Variants in CTXND1 observed in about 807,000 individuals in gnomAD.
CTXND1 encodes cortexin domain-containing 1 protein.
chr15:80,239,965 C>CTTTA (rs1293950871), intron 1 of CTXND1, among the ~76,000 whole-genome samples: 1 of 151,980 alleles, frequency 6.6e-6, no homozygotes, highest in Non-Finnish European at 1.5e-5. Context: ...TTTTGTATTA[C>CTTTA]TTTATTTATT....
intron 1 of CTXND1, among the ~76,000 whole-genome samples, chr15:80,220,347 T>G (rs1375521801): frequency 6.6e-6 from 1 of 152,252 alleles, no homozygotes; most frequent in Non-Finnish European, 1.5e-5. Flanking sequence ...GGATTTGTAA[T>G]GCCACTTCTA....
chr15:80,200,536 C>T lies in CTXND1; in HGVS notation c.*1234G>A, dbSNP rs1046481599. The T allele has an allele frequency of 2.6e-5, 4 of 152,152 alleles. No individual in the cohort carries two copies. The highest frequency in any genetic ancestry group is 4.4e-5 in the Non-Finnish European group (3 of 68,018). 9.4% of individuals were successfully genotyped at this position (152,152 alleles called of 1,614,324 possible). On this transcript the variant is annotated 3_prime_UTR_variant, in exon 3 of 3. Transcript: ENST00000560778. ...GGGAGGGCCTGAGAAGAGCCATCAT[C>T]GATGACTTCTTCCTTGCCCCCCAAC...
At position 80,198,697 on chromosome 15, in the gene CTXND1, G is replaced by GT. The variant is rs2041433147; in HGVS notation, c.*3072dup. ...GTCTCTTAAATGGAGAGAGTGTACT[G>GT]TAAGTATTTATTCTCCCCTGTCTTA... On this transcript the variant is annotated 3_prime_UTR_variant, in exon 3 of 3. Coordinates refer to ENST00000560778, the MANE Select transcript of CTXND1 (RefSeq NM_001352888.2). 1 of 152,138 alleles carries GT rather than the reference G, an allele frequency of 6.6e-6. No individual in the cohort carries two copies. The highest frequency in any genetic ancestry group is 1.5e-5 in the Non-Finnish European group (1 of 68,032). The allele number at this position is 152,138 out of a possible 1,614,324, so 9.4% of individuals were successfully genotyped here. A position where few individuals can be genotyped will look rare whatever the true frequency, so the allele number is the denominator to read the frequency against.
chr15:80,214,307 A>G (rs1020975424), intron 1 of CTXND1, among the ~76,000 whole-genome samples: 11 of 152,180 alleles, frequency 7.2e-5, no homozygotes, highest in Non-Finnish European at 1.2e-4. Context: ...AAAGATATTC[A>G]AAATTTGAAT....
intron 1 of CTXND1, among the ~76,000 whole-genome samples, chr15:80,210,408 GT>G (rs1893192712): frequency 6.6e-6 from 1 of 152,214 alleles, no homozygotes. Flanking sequence ...GCCAGAAGCT[GT>G]TTCTCTCTTT....
intron 1 of CTXND1, among the ~76,000 whole-genome samples, chr15:80,223,922 C>G (rs1390379162): frequency 6.6e-6 from 1 of 152,094 alleles, no homozygotes; most frequent in African/African-American, 2.4e-5. Flanking sequence ...CATGCGTCCC[C>G]CCATTGAGCC....
chr15:80,231,829 C>T (rs191664637), intron 1 of CTXND1, among the ~76,000 whole-genome samples: 1 of 152,302 alleles, frequency 6.6e-6, no homozygotes, highest in East Asian at 1.9e-4. Flanking sequence ...TCTGTCCACA[C>T]TGAGAATAGC....
intron 1 of CTXND1, among the ~76,000 whole-genome samples, chr15:80,226,819 G>A (rs1893377398): frequency 6.6e-6 from 1 of 152,174 alleles, no homozygotes; most frequent in African/African-American, 2.4e-5. Context: ...GCTGCATTGA[G>A]AATGCCCTGA....
intron 1 of CTXND1, among the ~76,000 whole-genome samples, chr15:80,231,684 G>A (rs919669250): frequency 6.6e-6 from 1 of 152,164 alleles, no homozygotes; most frequent in Non-Finnish European, 1.5e-5. Flanking sequence ...CATGCCTCCT[G>A]TAACAGTCTG....
intron 1 of CTXND1, among the ~76,000 whole-genome samples, chr15:80,233,787 C>G (rs1893460039): frequency 6.6e-6 from 1 of 152,230 alleles, no homozygotes; most frequent in South Asian, 2.1e-4. Flanking sequence ...TTAATGGCCC[C>G]TCAAAGGCAG....
intron 1 of CTXND1, among the ~76,000 whole-genome samples, chr15:80,204,647 G>GTATATATATA (rs35359063): frequency 0.027 from 3,499 of 131,096 alleles, 122 homozygotes; most frequent in East Asian, 0.14. Flanking sequence ...ATATTCCATT[G>GTATATATATA]TATATATATA....
At chr15:80,214,647 A>G (rs938760875) in intron 1 of CTXND1, among the ~76,000 whole-genome samples, 8 of 152,218 alleles carry the variant, frequency 5.3e-5, no homozygotes, top group Admixed American at 5.2e-4. Context: ...TGTTTACTAC[A>G]CTTAGGGGCA....
At chr15:80,209,347 G>A (rs769121715) in intron 1 of CTXND1, among the ~76,000 whole-genome samples, 24 of 152,210 alleles carry the variant, frequency 1.6e-4, no homozygotes, top group Non-Finnish European at 2.6e-4. Context: ...CTCAGCTGTG[G>A]TTCCCTGGGA....
At chr15:80,212,124 G>A (rs573019088) in intron 1 of CTXND1, among the ~76,000 whole-genome samples, 1 of 152,310 alleles carries the variant, frequency 6.6e-6, no homozygotes, top group South Asian at 2.1e-4. Context: ...ACTCTGTTGT[G>A]TAATTTACAC....
intron 1 of CTXND1, among the ~76,000 whole-genome samples, chr15:80,222,464 A>G (rs916691293): frequency 6.6e-6 from 1 of 152,158 alleles, no homozygotes. Flanking sequence ...ATCATAACCA[A>G]CAAATGTAAC....
rs185778329 is a variant in CTXND1, at chr15:80,246,515, G to C, written c.-218+5492C>G. Among the ~76,000 whole-genome samples, 54 of 152,362 alleles carry C rather than the reference G, an allele frequency of 3.5e-4. No individual in the cohort carries two copies. The East Asian group carries it at 9.3e-3, about 26-fold the overall frequency. On this transcript the variant is annotated intron_variant, in intron 1 of 2. Transcript: ENST00000560778. ...AGCCGACTGCGTCATGACATTGGAG[G>C]CAGCAGGAAATTATGAAGTGCCCTT...
chr15:80,232,196 A>T (rs984239140), intron 1 of CTXND1, among the ~76,000 whole-genome samples: 7 of 152,298 alleles, frequency 4.6e-5, no homozygotes, highest in South Asian at 2.1e-4. Flanking sequence ...CCAGGCAGTG[A>T]GGATGTGCTG....
chr15:80,204,671 A>G (rs1212362328), intron 1 of CTXND1, among the ~76,000 whole-genome samples: 2 of 122,604 alleles, frequency 1.6e-5, no homozygotes, highest in African/African-American at 7.5e-5. Context: ...ATATATATAT[A>G]TACCACATTT....
At chr15:80,243,442 G>A (rs1028967933) in intron 1 of CTXND1, among the ~76,000 whole-genome samples, 1 of 152,202 alleles carries the variant, frequency 6.6e-6, no homozygotes, top group African/African-American at 2.4e-5. Context: ...CACTCACGGG[G>A]TGAGTGGTGA....
Sources: gnomAD v4.1 joint callset for allele counts (sites outside exome capture counted in the v4.1 genomes callset) on GRCh38, gnomAD v4.1.1 for gene constraint, MANE v1.5 for transcripts, NCBI Gene and HGNC (gene_info 2026-07-23, HGNC 2026-07-21) for gene names.